The following KLHL15 variants were observed in gnomAD, a reference collection of about 807,000 sequenced individuals.
KLHL15 encodes the protein kelch-like protein 15.
KLHL15 carries 1 observed loss-of-function variant against 29.3 expected under a neutral mutation model. That is an observed-to-expected ratio of 0.03 (90% CI 0.01 to 0.16). KLHL15 has a LOEUF of 0.16. Among genes scored for constraint, KLHL15 ranks in the 10% least tolerant of loss-of-function variants. The probability of loss-of-function intolerance (pLI) is 1.00; values close to 1 mark genes in which losing one functional copy is unlikely to be tolerated. For missense variants in KLHL15, 215 were observed against 478.5 expected (o/e 0.45, Z 5.14); for synonymous variants, 212 against 184.5 (o/e 1.15, Z -1.21).
At chrX:23,990,634 A>G (rs1423002395) in intron 3 of KLHL15, among the ~76,000 whole-genome samples, 1 of 111,015 alleles carries the variant, frequency 9.0e-6, no homozygotes, top group African/African-American at 3.3e-5. Flanking sequence ...AGCAGGGAAG[A>G]TGAGCTGGTT....
chrX:24,016,115 A>G (rs961988175), intron 2 of KLHL15, among the ~76,000 whole-genome samples: 13 of 107,711 alleles, frequency 1.2e-4, no homozygotes, highest in Admixed American at 9.1e-4. Context: ...TTGGGAGGCC[A>G]AGGCGGGCAG....
At chrX:24,001,719 G>A (rs1260476565) in intron 3 of KLHL15, among the ~76,000 whole-genome samples, 2 of 95,198 alleles carry the variant, frequency 2.1e-5, no homozygotes, top group Non-Finnish European at 4.0e-5. Context: ...CAGGAGAATC[G>A]CTTGAACCCG....
At chrX:24,013,923 TA>T (rs1282229504) in intron 2 of KLHL15, among the ~76,000 whole-genome samples, 7 of 110,721 alleles carry the variant, frequency 6.3e-5, no homozygotes, top group Admixed American at 3.9e-4. Flanking sequence ...TGATACTATA[TA>T]TTTTTTTTCA....
intron 2 of KLHL15, among the ~76,000 whole-genome samples, chrX:24,020,775 A>C (rs1321688976): frequency 1.8e-5 from 2 of 112,081 alleles, no homozygotes; most frequent in African/African-American, 6.5e-5. Flanking sequence ...TTGGGGAATA[A>C]AACCCCAAAT....
chrX:24,016,276 C>T (rs1268926594), intron 2 of KLHL15, among the ~76,000 whole-genome samples: 1 of 86,783 alleles, frequency 1.2e-5, no homozygotes, highest in Non-Finnish European at 2.1e-5. Context: ...GAAGGCAGAG[C>T]TTGCAGTGAG....
At chrX:23,999,456 G>A (rs1404643885) in intron 3 of KLHL15, among the ~76,000 whole-genome samples, 3 of 109,047 alleles carry the variant, frequency 2.8e-5, no homozygotes, top group Non-Finnish European at 5.7e-5. Flanking sequence ...TTAGCCGGGC[G>A]CGGTGGCGGG....
chrX:24,000,558 AT>A (rs1929293755), intron 3 of KLHL15, among the ~76,000 whole-genome samples: 1 of 112,460 alleles, frequency 8.9e-6, no homozygotes, highest in Non-Finnish European at 1.9e-5. Context: ...GAGGGCTTAT[AT>A]TTCTCATGTA....
At chrX:23,997,777 A>C (rs965927266) in intron 3 of KLHL15, among the ~76,000 whole-genome samples, 17 of 104,224 alleles carry the variant, frequency 1.6e-4, no homozygotes, top group African/African-American at 5.1e-4. Flanking sequence ...AAATTTTAGA[A>C]AAAGAAACTA....
chrX:23,995,851 G>A (rs990571817), intron 3 of KLHL15, among the ~76,000 whole-genome samples: 1 of 111,910 alleles, frequency 8.9e-6, no homozygotes, highest in Non-Finnish European at 1.9e-5. Flanking sequence ...CTGGGTTCAA[G>A]TGATTCTCCT....
At chrX:24,005,056 C>T (rs1190793235) in intron 3 of KLHL15, among the ~76,000 whole-genome samples, 1 of 110,181 alleles carries the variant, frequency 9.1e-6, no homozygotes, top group East Asian at 2.8e-4. Context: ...AACTATTTAA[C>T]ATGAAAAGTG....
At chrX:24,018,941 T>A (rs187012542) in intron 2 of KLHL15, among the ~76,000 whole-genome samples, 1 of 92,725 alleles carries the variant, frequency 1.1e-5, no homozygotes, top group African/African-American at 5.0e-5. Flanking sequence ...AGGCAGAGGT[T>A]GCAGTGAGCC....
intron 2 of KLHL15, among the ~76,000 whole-genome samples, chrX:24,017,519 G>A (rs1231018345): frequency 9.1e-6 from 1 of 110,332 alleles, no homozygotes; most frequent in Admixed American, 9.8e-5. Flanking sequence ...AGTGGCTCAC[G>A]TCTATAATCC....
At chrX:24,013,107 T>G (rs1422495094) in intron 2 of KLHL15, among the ~76,000 whole-genome samples, 9 of 111,417 alleles carry the variant, frequency 8.1e-5, no homozygotes, top group Non-Finnish European at 1.7e-4. Context: ...ATTATTGGTT[T>G]AGTTTTTAGA....
chrX:24,006,003 T>C lies in KLHL15; in HGVS notation c.691A>G (p.Ser231Gly), dbSNP rs1929440229. The change falls in exon 3 of 4, where the codon AGC (serine) becomes GGC (glycine). Residue 231 changes from serine to glycine, a missense_variant. Ser to Gly is a moderately conservative substitution (Grantham distance 56). Transcript: ENST00000328046. ...NIRFCLMTPTSVFEKVKTSEF... is the reference protein window; with the variant it reads ...NIRFCLMTPTGVFEKVKTSEF... The stretch of plus-strand genomic sequence containing the variant: ...AATGCACTAACCTTCTCAAAAACGC[T>C]GGTTGGGGTCATCAAGCAAAACCGG... 8.3e-7 allele frequency: 1 copy of C among 1,208,079 alleles called. No individual in the cohort carries two copies. Among genetic ancestry groups the C allele is most frequent in the East Asian group, 3.0e-5 (1 of 33,821 alleles).
At chrX:24,026,133 A>G (rs897279113) in intron 1 of KLHL15, among the ~76,000 whole-genome samples, 2 of 112,138 alleles carry the variant, frequency 1.8e-5, no homozygotes, top group African/African-American at 6.5e-5. Flanking sequence ...TTTGTAAGGC[A>G]ACTTGCAGTG....
chrX:23,989,180 G>T, intron 3 of KLHL15, 150 bp from the exon 4 acceptor site: 1 of 474,465 alleles, frequency 2.1e-6, no homozygotes, highest in Non-Finnish European at 3.3e-6. Flanking sequence ...TTTCTACAAA[G>T]CTTTTAAAAA....
Position 24,015,089 on chromosome X carries a change from T to C in KLHL15, c.-7-8389A>G, listed in dbSNP as rs1251415184. On this transcript the variant is annotated intron_variant, in intron 2 of 3. Transcript: ENST00000328046. ...GGGTTCTGAGAGAACCTTACATTCTTAGAATAAATTCTTCCTCTTTACTAC... is the reference window on the plus strand; with the variant it reads ...GGGTTCTGAGAGAACCTTACATTCTCAGAATAAATTCTTCCTCTTTACTAC... Among the ~76,000 whole-genome samples, 5 of 112,158 alleles carry C rather than the reference T, an allele frequency of 4.5e-5. No individual in the cohort carries two copies. The East Asian group carries it at 1.4e-3, about 31-fold the overall frequency.
intron 2 of KLHL15, among the ~76,000 whole-genome samples, chrX:24,014,247 G>A (rs1308865698): frequency 9.0e-6 from 1 of 111,602 alleles, no homozygotes; most frequent in African/African-American, 3.3e-5. Context: ...AACTCTGAAA[G>A]AAAAGATTTA....
chrX:24,022,825 T>C (rs1233827769), intron 2 of KLHL15, among the ~76,000 whole-genome samples: 1 of 107,192 alleles, frequency 9.3e-6, no homozygotes, highest in Non-Finnish European at 1.9e-5. Flanking sequence ...GTTCAAGCGA[T>C]TCTCCCGCCT....
Sources: allele counts gnomAD v4.1 joint callset (sites outside exome capture counted in the v4.1 genomes callset), GRCh38; gene constraint gnomAD v4.1.1; transcripts MANE v1.5; gene names NCBI Gene and HGNC (gene_info 2026-07-23, HGNC 2026-07-21).